CALD1: variants seen among roughly 807,000 people sequenced by gnomAD.
CALD1 encodes the protein caldesmon.
Under a neutral mutation model 99.9 loss-of-function variants are expected in CALD1, and 33 were observed. The ratio of observed to expected loss-of-function variants is 0.33; its 90% CI spans 0.25 to 0.44. CALD1 has a LOEUF of 0.44. CALD1 is among the 20% of genes least tolerant of loss of function. The probability of loss-of-function intolerance (pLI) is 1.00; values close to 1 mark genes in which losing one functional copy is unlikely to be tolerated. For missense variants in CALD1, 861 were observed against 962.1 expected, an observed-to-expected ratio of 0.89 and a Z score of 1.39; for synonymous variants, 310 against 325.0, an observed-to-expected ratio of 0.95 and a Z score of 0.50.
At chr7:134,929,918 C>T (rs1054385486) in intron 4 of CALD1, among the ~76,000 whole-genome samples, 11 of 151,534 alleles carry the variant, frequency 7.3e-5, no homozygotes, top group Non-Finnish European at 1.6e-4. Context: ...AAAGTATTTA[C>T]ATTTATTCTG....
intron 14 of CALD1, among the ~76,000 whole-genome samples, chr7:134,965,834 C>CA (rs1563140412): frequency 8.5e-5 from 7 of 82,058 alleles, no homozygotes; most frequent in Non-Finnish European, 1.7e-4. Flanking sequence ...GTTGCTATGG[C>CA]CAAAAAAAAA....
chr7:134,939,064 ATGCTTCTTAAC>A (rs1806223513), intron 6 of CALD1, among the ~76,000 whole-genome samples: 1 of 152,328 alleles, frequency 6.6e-6, no homozygotes. Context: ...GGAGCCACAG[ATGCTTCTTAAC>A]TAGAACATAA....
chr7:134,899,215 T>G (rs1431673213), intron 3 of CALD1, among the ~76,000 whole-genome samples: 1 of 151,606 alleles, frequency 6.6e-6, no homozygotes, highest in African/African-American at 2.4e-5. Context: ...TTCTTTTTTT[T>G]TTTTTTTTGA....
chr7:134,776,610 A>G (rs563045447), upstream of CALD1, among the ~76,000 whole-genome samples: 1 of 152,258 alleles, frequency 6.6e-6, no homozygotes, highest in East Asian at 1.9e-4. Context: ...TCAAGATTCT[A>G]CCAGCCTGCT....
chr7:134,713,376 GGCCCCCAAACAT>G, the CALD1 span, among the ~76,000 whole-genome samples: 6 of 152,232 alleles, frequency 3.9e-5, no homozygotes, highest in South Asian at 2.1e-4. Context: ...AAACATGGAT[GGCCCCCAAACAT>G]GCCCCCAAAC....
the CALD1 span, among the ~76,000 whole-genome samples, chr7:134,722,328 T>G: frequency 6.6e-6 from 1 of 152,190 alleles, no homozygotes; most frequent in East Asian, 1.9e-4. Context: ...CTTCTTCTAA[T>G]CTTTTGATTT....
chr7:134,921,099 T>C (rs1804587778), intron 3 of CALD1, among the ~76,000 whole-genome samples: 1 of 152,224 alleles, frequency 6.6e-6, no homozygotes, highest in Non-Finnish European at 1.5e-5. Flanking sequence ...TCTCTTTCAA[T>C]ACAGCAATTG....
chr7:134,845,896 G>T (rs1799831889), intron 2 of CALD1, among the ~76,000 whole-genome samples: 1 of 152,224 alleles, frequency 6.6e-6, no homozygotes, highest in Non-Finnish European at 1.5e-5. Flanking sequence ...TAATGTGTGT[G>T]TCTATTTTTT....
At chr7:134,784,247 C>G (rs1797220117) in intron 1 of CALD1, among the ~76,000 whole-genome samples, 1 of 152,190 alleles carries the variant, frequency 6.6e-6, no homozygotes, top group African/African-American at 2.4e-5. Context: ...AATAATCTCA[C>G]TTGGAGAGAA....
chr7:134,779,299 G>A (rs886450497), upstream of CALD1: 1 of 186,378 alleles, frequency 5.4e-6, no homozygotes, highest in Non-Finnish European at 1.1e-5. Flanking sequence ...GATTGTTCCT[G>A]ACAATGGATT....
chr7:134,770,188 G>A (rs898756395), intron 1 of CALD1, among the ~76,000 whole-genome samples: 3 of 152,138 alleles, frequency 2.0e-5, no homozygotes, highest in Non-Finnish European at 4.4e-5. Context: ...CCCGTCACAT[G>A]AGGCCTGGGA....
At chr7:134,803,405 T>A (rs981786634) in intron 1 of CALD1, among the ~76,000 whole-genome samples, 7 of 152,166 alleles carry the variant, frequency 4.6e-5, no homozygotes, top group African/African-American at 1.7e-4. Context: ...TATCATTCTT[T>A]AAAATTTTAT....
upstream of CALD1, among the ~76,000 whole-genome samples, chr7:134,777,937 T>C (rs1796948014): frequency 6.6e-6 from 1 of 152,234 alleles, no homozygotes; most frequent in African/African-American, 2.4e-5. Flanking sequence ...GAAGACATTT[T>C]CCCACAGGAA....
chr7:134,885,254 T>C (rs1202672832), intron 3 of CALD1, among the ~76,000 whole-genome samples: 1 of 152,184 alleles, frequency 6.6e-6, no homozygotes, highest in Non-Finnish European at 1.5e-5. Flanking sequence ...TTTCTATCTG[T>C]AGATCATAAT....
chr7:134,870,770 A>T (rs904747983), intron 3 of CALD1, among the ~76,000 whole-genome samples: 4 of 151,232 alleles, frequency 2.6e-5, no homozygotes, highest in Non-Finnish European at 5.9e-5. Flanking sequence ...TCTTAAGAGT[A>T]GTACTTACAT....
At chr7:134,965,199 A>G in intron 13 of CALD1, 107 bp from the exon 14 acceptor site, 1 of 714,420 alleles carries the variant, frequency 1.4e-6, no homozygotes, top group Non-Finnish European at 2.6e-6. Flanking sequence ...AAAGTGTATT[A>G]AACAACAAAC....
At chr7:134,785,046 C>T (rs1377294) in intron 1 of CALD1, among the ~76,000 whole-genome samples, 30,458 of 152,096 alleles carry the variant, frequency 0.2, 3,250 homozygotes, top group Non-Finnish European at 0.23. Flanking sequence ...GTGGTCACCC[C>T]TGGGCAAAGA....
chr7:134,877,370 G>T (rs1235884325), intron 3 of CALD1, among the ~76,000 whole-genome samples: 2 of 152,222 alleles, frequency 1.3e-5, no homozygotes, highest in South Asian at 2.1e-4. Flanking sequence ...CCTGTAAAAA[G>T]AAAATTACCT....
At chr7:134,850,181 A>G (rs1800018972) in intron 2 of CALD1, among the ~76,000 whole-genome samples, 1 of 152,250 alleles carries the variant, frequency 6.6e-6, no homozygotes, top group South Asian at 2.1e-4. Context: ...ATATGAACGG[A>G]ACCTAACATC....
Sources: allele counts gnomAD v4.1 joint callset (sites outside exome capture counted in the v4.1 genomes callset), GRCh38; gene constraint gnomAD v4.1.1; transcripts MANE v1.5; gene names NCBI Gene and HGNC (gene_info 2026-07-23, HGNC 2026-07-21).